The following FRMPD3 variants were observed in gnomAD, a reference collection of about 807,000 sequenced individuals.
The protein encoded by FRMPD3 is FERM and PDZ domain-containing protein 3.
FRMPD3 carries 42 observed loss-of-function variants against 97.9 expected under a neutral mutation model. The observed-to-expected ratio is 0.43, with a 90% CI of 0.34 to 0.55. FRMPD3 has a LOEUF of 0.55. Ranked by LOEUF, FRMPD3 falls within the 20% of genes least tolerant of loss-of-function variation. The probability of loss-of-function intolerance (pLI) is 0.03; values close to 1 mark genes in which losing one functional copy is unlikely to be tolerated. For missense variants in FRMPD3, 1,303 were observed against 1,457.7 expected (o/e 0.89, Z 1.73); for synonymous variants, 577 against 581.1 (o/e 0.99, Z 0.10).
intron 1 of FRMPD3, among the ~76,000 whole-genome samples, chrX:107,518,461 G>A (rs1216371628): frequency 9.0e-6 from 1 of 111,724 alleles, no homozygotes; most frequent in Non-Finnish European, 1.9e-5. Context: ...AGAAGCAATT[G>A]TTAGAGGTCT....
At chrX:107,467,868 AAGATTTCCTT>A (rs112394639) in intron 1 of FRMPD3, among the ~76,000 whole-genome samples, 2,998 of 111,477 alleles carry the variant, frequency 0.027, 94 homozygotes, top group African/African-American at 0.092. Context: ...TTCTAAGACC[AAGATTTCCTT>A]AGATTTCCTT....
At chrX:107,459,898 C>T (rs866709579) in intron 1 of FRMPD3, among the ~76,000 whole-genome samples, 1 of 107,680 alleles carries the variant, frequency 9.3e-6, no homozygotes, top group South Asian at 4.0e-4. Context: ...CACACACACA[C>T]ACACACACAC....
chrX:107,487,987 T>C (rs1029787635), intron 1 of FRMPD3, among the ~76,000 whole-genome samples: 1 of 111,393 alleles, frequency 9.0e-6, no homozygotes, highest in East Asian at 2.8e-4. Context: ...CCTTGGTCAT[T>C]TTCTCAGTCA....
In FRMPD3 at chrX:107,564,861, C is replaced by T. The variant is rs368877626; in HGVS notation, c.1117-26C>T. ...CCTCCTCCACCCTTCCTTCTGTGAA[C>T]GTTGCCTGCCATTCTTGGGCACCAG... On this transcript the variant is annotated intron_variant, in intron 11 of 14. Transcript: ENST00000683843. The T allele has an allele frequency of 1.7e-3, 2,044 of 1,205,215 alleles. 18 individuals are homozygous for T. The South Asian group carries it at 0.032, about 19-fold the overall frequency.
intron 3 of FRMPD3, among the ~76,000 whole-genome samples, chrX:107,533,125 ACT>A (rs1328794924): frequency 6.3e-5 from 7 of 111,044 alleles, no homozygotes; most frequent in African/African-American, 1.6e-4. Flanking sequence ...GGTTCCCAGG[ACT>A]CTCTGATTTT....
chrX:107,578,361 C>G (rs1923225946), intron 13 of FRMPD3, among the ~76,000 whole-genome samples: 2 of 112,051 alleles, frequency 1.8e-5, no homozygotes, highest in Non-Finnish European at 3.8e-5. Flanking sequence ...TGGCACCAAG[C>G]ACAAGAGGGA....
intron 13 of FRMPD3, among the ~76,000 whole-genome samples, chrX:107,577,186 A>T (rs1270651700): frequency 1.9e-5 from 2 of 103,297 alleles, no homozygotes; most frequent in Non-Finnish European, 4.0e-5. Context: ...AAAAAAAAAA[A>T]AAAATACAAA....
chrX:107,555,357 G>C (rs1434330053), intron 8 of FRMPD3, among the ~76,000 whole-genome samples: 1 of 111,926 alleles, frequency 8.9e-6, no homozygotes, highest in East Asian at 2.8e-4. Flanking sequence ...ATTGAGCCTG[G>C]GCAGCGGTTC....
At chrX:107,526,465 C>T (rs1922701060) in intron 1 of FRMPD3, 117 bp from the exon 2 acceptor site, 1 of 551,236 alleles carries the variant, frequency 1.8e-6, no homozygotes, top group Non-Finnish European at 2.7e-6. Flanking sequence ...ATGTAGGAAG[C>T]TAAGCTGTAA....
chrX:107,457,368 G>A (rs1931393837), intron 1 of FRMPD3, among the ~76,000 whole-genome samples: 1 of 111,641 alleles, frequency 9.0e-6, no homozygotes, highest in Admixed American at 9.5e-5. Flanking sequence ...CAGCTCCAGG[G>A]CCTTGAGAGG....
chrX:107,471,376 G>T (rs1405831092), intron 1 of FRMPD3, among the ~76,000 whole-genome samples: 1 of 95,576 alleles, frequency 1.0e-5, no homozygotes, highest in East Asian at 3.6e-4. Context: ...TGTGCAGAAC[G>T]TGCAGGTTTG....
intron 12 of FRMPD3, among the ~76,000 whole-genome samples, chrX:107,566,198 C>T (rs1922595898): frequency 8.8e-6 from 1 of 113,186 alleles, no homozygotes; most frequent in Non-Finnish European, 1.9e-5. Flanking sequence ...TGCCAGCTGG[C>T]GGAAGCTCTT....
intron 4 of FRMPD3, among the ~76,000 whole-genome samples, chrX:107,539,319 T>C (rs942339905): frequency 1.8e-5 from 2 of 112,192 alleles, no homozygotes; most frequent in African/African-American, 6.5e-5. Flanking sequence ...TAAGCTTCTG[T>C]GTACTTAAGG....
In FRMPD3 at chrX:107,598,128, C is replaced by A. The variant is rs752491692; in HGVS notation, c.2249C>A (p.Pro750His). 1.2e-5 allele frequency: 14 copies of A among 1,201,575 alleles called. No individual in the cohort carries two copies. In the East Asian group the frequency reaches 4.2e-4, roughly 36 times the overall value. The part of the protein sequence containing the change: ...AASEDGPHPP[P>H]PQTAGLIVLA... The stretch of plus-strand genomic sequence containing the variant: ...TCCGAGGATGGACCACACCCACCAC[C>A]CCCACAGACTGCAGGTAATGACCGA... Residue 750 changes from proline to histidine, a missense_variant, in exon 14 of 15, where the codon CCC (proline) becomes CAC (histidine). By Grantham distance (77) the Pro-to-His change is moderately conservative. Coordinates refer to ENST00000683843, the MANE Select transcript of FRMPD3 (RefSeq NM_001388459.1).
rs752351689 is a variant in FRMPD3, at chrX:107,600,972, AC to A, written c.2940del (p.Ser981AlafsTer18). ...GTCACTGCTGGTGGGGCTTTGGGGA[AC>A]CCCCCCAGCAGGGGTGAGAGAAGGC... is the stretch of plus-strand genomic sequence containing the variant. ...SLVTAGGALG[N>X]PPSRGERRLE... On this transcript the variant is annotated frameshift_variant, in exon 15 of 15. Transcript: ENST00000683843. LOFTEE classifies it high-confidence loss of function. 1 of 1,207,476 alleles carries A rather than the reference AC, an allele frequency of 8.3e-7. No individual in the cohort carries two copies. Among genetic ancestry groups the A allele is most frequent in the Non-Finnish European group, 1.1e-6 (1 of 893,899 alleles).
chrX:107,480,895 G>GGAAGGAAGGAAAGAAA (rs1461084039), intron 1 of FRMPD3, among the ~76,000 whole-genome samples: 5 of 60,595 alleles, frequency 8.3e-5, no homozygotes, highest in East Asian at 9.8e-4. Flanking sequence ...AAGGAAGGAA[G>GGAAGGAAGGAAAGAAA]GAAAGAAAGA....
At position 107,564,994 on chromosome X, in the gene FRMPD3, G is replaced by A; in HGVS notation, c.1224G>A (p.Lys408=). ...CCACTGTGCTGTCCGAGTTCAGCAA[G>A]ATCAGCAAGATCCAGCTGTTCCGGG... The part of the protein sequence containing the change: ...NLTTVLSEFS[K]ISKIQLFREN... The change falls in exon 12 of 15, where the codon AAG becomes AAA. Residue 408 remains lysine, a synonymous_variant. Coordinates refer to ENST00000683843, the MANE Select transcript of FRMPD3 (RefSeq NM_001388459.1). 1 of 1,208,407 alleles carries A rather than the reference G, an allele frequency of 8.3e-7. No individual in the cohort carries two copies. The highest frequency in any genetic ancestry group is 1.1e-6 in the Non-Finnish European group (1 of 894,212).
intron 1 of FRMPD3, among the ~76,000 whole-genome samples, chrX:107,474,464 T>A (rs1921147871): frequency 9.3e-6 from 1 of 106,995 alleles, no homozygotes; most frequent in South Asian, 4.1e-4. Context: ...AAGAGAGGAG[T>A]TTGAGAGATA....
At chrX:107,456,289 C>A (rs757383012) in intron 1 of FRMPD3, among the ~76,000 whole-genome samples, 30 of 110,928 alleles carry the variant, frequency 2.7e-4, no homozygotes, top group Non-Finnish European at 4.3e-4. Flanking sequence ...CCCACTTCAG[C>A]CTCCCAAAGC....
Sources: gnomAD v4.1 joint callset for allele counts (sites outside exome capture counted in the v4.1 genomes callset) on GRCh38, gnomAD v4.1.1 for gene constraint, MANE v1.5 for transcripts, NCBI Gene and HGNC (gene_info 2026-07-23, HGNC 2026-07-21) for gene names.